Variants in CRTC3 observed in about 807,000 individuals in gnomAD.
CRTC3 encodes the protein CREB-regulated transcription coactivator 3.
In CRTC3, 26 loss-of-function variants were observed where a neutral mutation model predicts 74.5. The ratio of observed to expected loss-of-function variants is 0.35; its 90% CI spans 0.26 to 0.48. CRTC3 has a LOEUF of 0.48. Among genes scored for constraint, CRTC3 ranks in the 20% least tolerant of loss-of-function variants. The probability of loss-of-function intolerance (pLI) is 0.99; values close to 1 mark genes in which losing one functional copy is unlikely to be tolerated. For synonymous variants in CRTC3, 377 were observed against 325.8 expected (o/e 1.16, Z -1.69); for missense variants, 760 against 787.3 (o/e 0.97, Z 0.41).
intron 11 of CRTC3, among the ~76,000 whole-genome samples, chr15:90,636,227 G>A (rs1279917472): frequency 1.3e-5 from 2 of 151,934 alleles, no homozygotes; most frequent in African/African-American, 4.8e-5. Flanking sequence ...CAATGGAACA[G>A]AACAGAGCCC....
At chr15:90,585,897 A>G (rs1967648265) in intron 2 of CRTC3, among the ~76,000 whole-genome samples, 1 of 152,124 alleles carries the variant, frequency 6.6e-6, no homozygotes, top group South Asian at 2.1e-4. Context: ...TGGGGTTCTT[A>G]TCCATTTTTG....
intron 1 of CRTC3, among the ~76,000 whole-genome samples, chr15:90,531,673 A>C (rs1343871162): frequency 2.6e-5 from 4 of 152,192 alleles, no homozygotes. Flanking sequence ...TTAGATTCAG[A>C]GATGAACTCG....
At chr15:90,555,625 C>A (rs897950925) in intron 2 of CRTC3, among the ~76,000 whole-genome samples, 3 of 152,146 alleles carry the variant, frequency 2.0e-5, no homozygotes, top group African/African-American at 7.2e-5. Flanking sequence ...TCAAGTGATT[C>A]TCCTGCTTCA....
Position 90,629,335 on chromosome 15 carries a change from G to C in CRTC3, c.1069G>C (p.Ala357Pro). The change falls in exon 11 of 15, where the codon GCA (alanine) becomes CCA (proline). Residue 357 changes from alanine to proline, a missense_variant. By Grantham distance (27) the Ala-to-Pro change is conservative. Coordinates refer to ENST00000268184, the MANE Select transcript of CRTC3 (RefSeq NM_022769.5). ...CCACCCACAGACATCTGTTCCCAAC[G>C]CATCTGCTCTTCACCCTTCGCTCCG... ...NNHPQTSVPNASALHPSLRLF... is the reference protein window; with the variant it reads ...NNHPQTSVPNPSALHPSLRLF... 1 of 1,613,890 alleles carries C rather than the reference G, an allele frequency of 6.2e-7. No homozygotes were observed. The highest frequency in any genetic ancestry group is 8.5e-7 in the Non-Finnish European group (1 of 1,179,992).
chr15:90,610,549 A>T (rs940540246), intron 6 of CRTC3, among the ~76,000 whole-genome samples: 1 of 152,256 alleles, frequency 6.6e-6, no homozygotes, highest in Non-Finnish European at 1.5e-5. Context: ...AATTAGGCAT[A>T]AATGATAAGC....
chr15:90,583,391 A>G (rs1472253343), intron 2 of CRTC3, among the ~76,000 whole-genome samples: 1 of 152,216 alleles, frequency 6.6e-6, no homozygotes, highest in African/African-American at 2.4e-5. Flanking sequence ...CTAAATCAGC[A>G]GGTTGGGTGC....
chr15:90,541,508 A>G (rs776531739), intron 2 of CRTC3, among the ~76,000 whole-genome samples: 6 of 152,056 alleles, frequency 3.9e-5, no homozygotes, highest in African/African-American at 7.2e-5. Flanking sequence ...TCTTTACCAT[A>G]TTACTGCCTG....
rs774251310 is a variant in CRTC3 at position 90,641,899 on chromosome 15, C to T, written c.1652-33C>T. On this transcript the variant is annotated intron_variant, in intron 14 of 14. Coordinates refer to ENST00000268184, the MANE Select transcript of CRTC3 (RefSeq NM_022769.5). ...GCCTGGAGCCTTCGCGCCTCCTAAC[C>T]GCACTGTTTTCCCCTCTGGCCACTC... 1.5e-5 allele frequency: 24 copies of T among 1,601,122 alleles called. No individual in the cohort carries two copies. The Admixed American group carries it at 1.5e-4, about 10-fold the overall frequency.
At chr15:90,633,295 C>T (rs765382013) in intron 11 of CRTC3, among the ~76,000 whole-genome samples, 19 of 152,114 alleles carry the variant, frequency 1.2e-4, no homozygotes, top group Non-Finnish European at 1.5e-4. Flanking sequence ...GGCAGATCTC[C>T]TCTCGACACA....
chr15:90,610,138 A>T (rs907285596), intron 6 of CRTC3, among the ~76,000 whole-genome samples: 1 of 152,208 alleles, frequency 6.6e-6, no homozygotes, highest in Non-Finnish European at 1.5e-5. Context: ...AAATAGTTTC[A>T]TGTATTTTCC....
chr15:90,575,508 T>C (rs1967383276), intron 2 of CRTC3, among the ~76,000 whole-genome samples: 1 of 152,250 alleles, frequency 6.6e-6, no homozygotes, highest in African/African-American at 2.4e-5. Flanking sequence ...AGGTATGCAG[T>C]GTGAATCTGG....
intron 11 of CRTC3, 161 bp from the exon 12 acceptor site, chr15:90,638,285 T>C: frequency 1.7e-6 from 1 of 595,150 alleles, no homozygotes; most frequent in Non-Finnish European, 3.0e-6. Flanking sequence ...AAATTTGAGA[T>C]ATACTTTGAA....
intron 2 of CRTC3, among the ~76,000 whole-genome samples, chr15:90,549,495 G>T (rs1966850511): frequency 6.6e-6 from 1 of 152,058 alleles, no homozygotes; most frequent in Non-Finnish European, 1.5e-5. Flanking sequence ...TATCAGGCAG[G>T]CTGGGTACCA....
intron 2 of CRTC3, among the ~76,000 whole-genome samples, chr15:90,591,110 A>C (rs1349143027): frequency 7.3e-6 from 1 of 136,140 alleles, no homozygotes; most frequent in Admixed American, 7.4e-5. Context: ...GGGCACCACC[A>C]CGCCCCACTA....
intron 2 of CRTC3, among the ~76,000 whole-genome samples, chr15:90,583,030 G>T (rs1369277007): frequency 6.6e-6 from 1 of 151,938 alleles, no homozygotes; most frequent in Non-Finnish European, 1.5e-5. Flanking sequence ...TAGAGATGGG[G>T]TCTCATTATG....
intron 9 of CRTC3, among the ~76,000 whole-genome samples, chr15:90,621,582 C>T (rs1478300670): frequency 1.3e-5 from 2 of 152,104 alleles, no homozygotes; most frequent in Admixed American, 1.3e-4. Flanking sequence ...TTTGGCCTCC[C>T]AAAGTGCTAG....
At position 90,642,873 on chromosome 15, in the gene CRTC3, G is replaced by A. The variant is rs1023847688; in HGVS notation, c.*733G>A. 4.3e-6 allele frequency: 1 copy of A among 233,134 alleles called. No homozygotes were observed. The highest frequency in any genetic ancestry group is 5.6e-5 in the Admixed American group (1 of 17,780). 14.4% of individuals were successfully genotyped at this position (233,134 alleles called of 1,614,324 possible). ...CCCCTGGCACTGATGAGCCTGAAGA[G>A]AACTGTGCTCCTCCTCGGGGGCTGG... is the stretch of plus-strand genomic sequence containing the variant. On this transcript the variant is annotated 3_prime_UTR_variant, in exon 15 of 15. Transcript: ENST00000268184.
chr15:90,564,916 T>A (rs1413394125), intron 2 of CRTC3, among the ~76,000 whole-genome samples: 3 of 14,094 alleles, frequency 2.1e-4, no homozygotes, highest in African/African-American at 4.1e-4. Flanking sequence ...CTTCCTTCCT[T>A]CCTTCCTTCC....
intron 2 of CRTC3, among the ~76,000 whole-genome samples, chr15:90,545,600 G>A (rs1235177981): frequency 3.6e-5 from 5 of 139,454 alleles, no homozygotes; most frequent in African/African-American, 1.4e-4. Flanking sequence ...CTTTTGAGAT[G>A]GAGTCTCACT....
Sources: allele counts gnomAD v4.1 joint callset (sites outside exome capture counted in the v4.1 genomes callset), GRCh38; gene constraint gnomAD v4.1.1; transcripts MANE v1.5; gene names NCBI Gene and HGNC (gene_info 2026-07-23, HGNC 2026-07-21).